MED24: variants seen among roughly 807,000 people sequenced by gnomAD.
MED24 encodes the protein mediator complex subunit 24.
In MED24, 74 loss-of-function variants were observed where a neutral mutation model predicts 118.8. That is an observed-to-expected ratio of 0.62 (90% confidence interval 0.52 to 0.76). MED24 has a LOEUF of 0.76. Ranked by LOEUF, MED24 falls within the 30% of genes least tolerant of loss-of-function variation. The pLI, the probability that MED24 is intolerant of heterozygous loss-of-function variation, is 0.00. For synonymous variants in MED24, 521 were observed against 523.9 expected (o/e 0.99, Z 0.08); for missense variants, 1,041 against 1,278.9 (o/e 0.81, Z 2.84).
intron 3 of MED24, among the ~76,000 whole-genome samples, chr17:40,052,415 C>T (rs1434098498): frequency 6.6e-6 from 1 of 152,154 alleles, no homozygotes; most frequent in African/African-American, 2.4e-5. Context: ...CTATCCTAAC[C>T]TTTATCATAA....
At chr17:40,049,381 G>C (rs1286460046) in intron 3 of MED24, among the ~76,000 whole-genome samples, 1 of 152,002 alleles carries the variant, frequency 6.6e-6, no homozygotes, top group African/African-American at 2.4e-5. Flanking sequence ...TCAACATTCA[G>C]GTCTTGGTTT....
chr17:40,036,485 T>C (rs939792939), intron 3 of MED24, among the ~76,000 whole-genome samples: 1 of 151,902 alleles, frequency 6.6e-6, no homozygotes, highest in African/African-American at 2.4e-5. Context: ...GGTGAGGAGT[T>C]TGAGACCATC....
chr17:40,019,451 A>G lies in MED24; in HGVS notation c.*78T>C. The G allele has an allele frequency of 8.0e-7, 1 of 1,252,632 alleles. No homozygotes were observed. Among genetic ancestry groups the G allele is most frequent in the Non-Finnish European group, 1.1e-6 (1 of 872,258 alleles). 77.6% of individuals were successfully genotyped at this position (1,252,632 alleles called of 1,614,324 possible). A position where few individuals can be genotyped will look rare whatever the true frequency, so the allele number is the denominator to read the frequency against. On this transcript the variant is annotated 3_prime_UTR_variant, in exon 26 of 26. Coordinates refer to ENST00000394128, the MANE Select transcript of MED24 (RefSeq NM_014815.4). ...GAGCGGATGTGAGGCACGATGCCTCATCTTTCCTCACTGCTTCCCTTGGAG... is the reference window on the plus strand; with the variant it reads ...GAGCGGATGTGAGGCACGATGCCTCGTCTTTCCTCACTGCTTCCCTTGGAG...
intron 23 of MED24, among the ~76,000 whole-genome samples, chr17:40,021,691 A>AG (rs531700436): frequency 0.66 from 100,087 of 152,014 alleles, 33,177 homozygotes; most frequent in East Asian, 0.79. Flanking sequence ...GGGGTAAGGG[A>AG]GGGGCAGGAG....
In MED24 at chr17:40,019,489, G is replaced by A. The variant is rs757526700; in HGVS notation, c.*40C>T. 2.6e-6 allele frequency: 4 copies of A among 1,556,272 alleles called. No homozygotes were observed. The highest frequency in any genetic ancestry group is 1.7e-5 in the Admixed American group (1 of 58,316). On this transcript the variant is annotated 3_prime_UTR_variant, in exon 26 of 26. Transcript: ENST00000394128. Reference sequence around the variant, plus strand: ...GCTTCCCTTGGAGGCGCCTGGGGCTGCGCCAGTCCCCAGCCCCCACTGCGG... The same window carrying A: ...GCTTCCCTTGGAGGCGCCTGGGGCTACGCCAGTCCCCAGCCCCCACTGCGG...
Position 40,020,491 on chromosome 17 carries a change from A to T in MED24, c.2624-138T>A, listed in dbSNP as rs1342532738. The T allele has an allele frequency of 3.3e-6, 5 of 1,536,586 alleles. No individual in the cohort carries two copies. In the South Asian group the frequency reaches 6.0e-5, roughly 19 times the overall value. On this transcript the variant is annotated intron_variant, in intron 23 of 25. Coordinates refer to ENST00000394128, the MANE Select transcript of MED24 (RefSeq NM_014815.4). ...AGAGCCCAGAGAAGACCCTGAGATC[A>T]AGAGCACAAAGGGAGGCCAGGTACA...
In MED24 at chr17:40,053,631, G is replaced by A. The variant is rs865841493; in HGVS notation, c.-33C>T. On this transcript the variant is annotated 5_prime_UTR_variant, in exon 2 of 26. Transcript: ENST00000394128. ...CTCTGAGCAGGTGGCAGCGGTGGCG[G>A]CCAGCTTTGAGGTGAAAGAAATGGA... The A allele has an allele frequency of 1.9e-6, 3 of 1,613,768 alleles. No homozygotes were observed. Among genetic ancestry groups the A allele is most frequent in the South Asian group, 1.1e-5 (1 of 91,082 alleles).
At chr17:40,051,784 G>T (rs770415451) in intron 3 of MED24, among the ~76,000 whole-genome samples, 1 of 150,486 alleles carries the variant, frequency 6.6e-6, no homozygotes, top group Non-Finnish European at 1.5e-5. Flanking sequence ...TTAGCCGGGT[G>T]TGGTGGCAGA....
Position 40,032,076 on chromosome 17 carries a change from CA to C in MED24, c.950del (p.Leu317TrpfsTer2). On this transcript the variant is annotated frameshift_variant, in exon 10 of 26. Transcript: ENST00000394128. LOFTEE classifies it high-confidence loss of function. ...AFTFLKIPQV[L>X]VKLKKYSHGD... The stretch of plus-strand genomic sequence containing the variant: ...CATGAGAGTACTTCTTCAACTTCAC[CA>C]AAACCTGTGGAATCTAGGGGGTGAG... The C allele has an allele frequency of 6.2e-7, 1 of 1,613,722 alleles. No homozygotes were observed. Among genetic ancestry groups the C allele is most frequent in the East Asian group, 2.2e-5 (1 of 44,858 alleles).
chr17:40,035,690 T>C (rs1983856378), intron 5 of MED24, 32 bp downstream of exon 5: 3 of 1,602,402 alleles, frequency 1.9e-6, no homozygotes, highest in Non-Finnish European at 2.6e-6. Flanking sequence ...GCTGGAACAT[T>C]GTATTGTGAG....
At chr17:40,031,348 G>T in intron 11 of MED24, 103 bp from the exon 12 acceptor site, 1 of 1,306,824 alleles carries the variant, frequency 7.7e-7, no homozygotes, top group Non-Finnish European at 1.1e-6. Flanking sequence ...TCAGGATGAG[G>T]AAAATCTGGA....
intron 3 of MED24, among the ~76,000 whole-genome samples, chr17:40,040,148 G>A (rs547091722): frequency 7.0e-4 from 99 of 141,102 alleles, no homozygotes; most frequent in African/African-American, 2.4e-3. Flanking sequence ...GCACAATCTC[G>A]GCTCACTGCA....
intron 3 of MED24, 31 bp downstream of exon 3, chr17:40,053,267 A>G: frequency 6.4e-7 from 1 of 1,562,054 alleles, no homozygotes; most frequent in East Asian, 2.2e-5. Context: ...CAGAACTCTC[A>G]CTTCTTGGTG....
At position 40,029,822 on chromosome 17, in the gene MED24, C is replaced by A. The variant is rs770292330; in HGVS notation, c.1192G>T (p.Gly398Ter). 4.1e-5 allele frequency: 66 copies of A among 1,613,950 alleles called. No individual in the cohort carries two copies. Among genetic ancestry groups the A allele is most frequent in the Non-Finnish European group, 5.6e-5 (66 of 1,179,972 alleles). Residue 398 changes from glycine (G) to a stop codon, truncating the protein, a stop_gained, in exon 13 of 26, where the codon GGA (glycine) becomes TGA (stop). Transcript: ENST00000394128. LOFTEE classifies it high-confidence loss of function. ...DREHAPQQKSGENANIQPNIQ... is the reference protein window; with the variant it reads ...DREHAPQQKS ...TTGGGCTGGATGTTGGCATTCTCTC[C>A]CGATTTCTGCTGGGGTGCGTGCTCT...
intron 3 of MED24, among the ~76,000 whole-genome samples, chr17:40,044,149 G>A (rs1183555440): frequency 4.7e-5 from 6 of 127,950 alleles, no homozygotes; most frequent in African/African-American, 1.9e-4. Context: ...AAAAAAAGCC[G>A]TAACAAAAAA....
chr17:40,050,446 CA>C (rs968818724), intron 3 of MED24, among the ~76,000 whole-genome samples: 6 of 149,720 alleles, frequency 4.0e-5, no homozygotes, highest in African/African-American at 1.2e-4. Flanking sequence ...GACCTTGTCT[CA>C]AAAAAAAATA....
At chr17:40,030,192 C>T (rs1192998302) in intron 12 of MED24, among the ~76,000 whole-genome samples, 1 of 152,098 alleles carries the variant, frequency 6.6e-6, no homozygotes, top group Non-Finnish European at 1.5e-5. Flanking sequence ...CGGGGTTTCA[C>T]CATGTTCTAC....
Position 40,032,741 on chromosome 17 carries a change from C to T in MED24, c.844G>A (p.Val282Ile). The change falls in exon 9 of 26, where the codon GTC (valine) becomes ATC (isoleucine). Residue 282 changes from valine to isoleucine, a missense_variant. This residue lies in a region of MED24 where 434 missense variants were observed against 514.9 expected (regional missense o/e 0.84). Transcript: ENST00000394128. Reference protein sequence around the residue: ...RMQHIPTPLFVLEIWKACFVG... With the variant: ...RMQHIPTPLFILEIWKACFVG... ...AAGCAAGCTTTCCAGATCTCCAGGA[C>T]AAAAAGTGGGGTGGGGATATGCTGT... 1 of 1,613,784 alleles carries T rather than the reference C, an allele frequency of 6.2e-7. No homozygotes were observed. Among genetic ancestry groups the T allele is most frequent in the Non-Finnish European group, 8.5e-7 (1 of 1,179,972 alleles).
chr17:40,031,140 C>T lies in MED24; in HGVS notation c.1154+19G>A. The T allele has an allele frequency of 6.4e-7, 1 of 1,553,402 alleles. No homozygotes were observed. Among genetic ancestry groups the T allele is most frequent in the Non-Finnish European group, 8.7e-7 (1 of 1,146,986 alleles). ...AGGTCAAGGGGCTCTTGGGGTAGCA[C>T]AGGTGCGTTCACACTTACCGCTTAG... On this transcript the variant is annotated intron_variant, in intron 12 of 25. Coordinates refer to ENST00000394128, the MANE Select transcript of MED24 (RefSeq NM_014815.4).
Sources: gnomAD v4.1 joint callset for allele counts (sites outside exome capture counted in the v4.1 genomes callset) on GRCh38, gnomAD v4.1.1 for gene constraint, gnomAD v4.1.1 regional missense constraint, MANE v1.5 for transcripts, NCBI Gene and HGNC (gene_info 2026-07-23, HGNC 2026-07-21) for gene names.